The following KLK15 variants were observed in gnomAD, a reference collection of about 807,000 sequenced individuals.
KLK15 encodes the protein kallikrein related peptidase 15, also known as kallikrein-15.
A neutral mutation model predicts 21.1 loss-of-function variants in KLK15; 19 were observed. The ratio of observed to expected loss-of-function variants is 0.90; its 90% CI spans 0.63 to 1.32. The LOEUF (loss-of-function observed/expected upper bound fraction) is 1.32, where lower values mean the gene tolerates loss of function less well. Among genes scored for constraint, KLK15 ranks in the 40% most tolerant of loss-of-function variants. The pLI, the probability that KLK15 is intolerant of heterozygous loss-of-function variation, is 0.00. For missense variants in KLK15, 345 were observed against 348.6 expected (o/e 0.99, Z 0.08); for synonymous variants, 141 against 141.5 (o/e 1.00, Z 0.03).
At chr19:50,827,552 C>A in intron 2 of KLK15, 110 bp downstream of exon 3, 1 of 1,162,304 alleles carries the variant, frequency 8.6e-7, no homozygotes. Flanking sequence ...CCGGCCTCCT[C>A]GTCTTTCAGA....
chr19:50,832,569 C>T (rs1020544680), upstream of KLK15, among the ~76,000 whole-genome samples: 9 of 149,322 alleles, frequency 6.0e-5, no homozygotes, highest in African/African-American at 1.2e-4. Context: ...GTGATCCACC[C>T]GCCTCAGCCT....
At position 50,828,516 on chromosome 19, in the gene KLK15, C is replaced by T. The variant is rs2089924356; in HGVS notation, c.44-701G>A. ...CCCAGCCTTGGCCCCAGAGTCTGGACATGTCAGCCAAATTCAGTGTGCAGT... is the reference window on the plus strand; with the variant it reads ...CCCAGCCTTGGCCCCAGAGTCTGGATATGTCAGCCAAATTCAGTGTGCAGT... On this transcript the variant is annotated intron_variant, in intron 1 of 4. Coordinates refer to ENST00000598239, the Ensembl canonical transcript of KLK15. 1.3e-5 allele frequency among the ~76,000 whole-genome samples: 2 copies of T among 151,686 alleles called. 1 individual carries two copies. The highest frequency in any genetic ancestry group is 1.3e-4 in the Admixed American group (2 of 15,144).
upstream of KLK15, among the ~76,000 whole-genome samples, chr19:50,832,522 C>T (rs905980664): frequency 7.5e-5 from 8 of 106,434 alleles, no homozygotes; most frequent in Admixed American, 3.1e-4. Context: ...GGAGTTTCAC[C>T]ATGTTGGCCA....
chr19:50,829,637 A>AAAT lies in KLK15; in HGVS notation c.43+1812_43+1813insATT, dbSNP rs1568485711. 1.1e-3 allele frequency among the ~76,000 whole-genome samples: 174 copies of AAAT among 151,788 alleles called. 4 individuals carry two copies. The highest frequency in any genetic ancestry group is 4.0e-3 in the African/African-American group (165 of 41,480). ...CATCGTGAAATCCCGTCTCTACTAAAAAATAAATAAATAAATAAATAAAAA... is the reference window on the plus strand; with the variant it reads ...CATCGTGAAATCCCGTCTCTACTAAAAATAAATAAATAAATAAATAAATAAAAA... On this transcript the variant is annotated intron_variant, in intron 1 of 4. Transcript: ENST00000598239.
upstream of KLK15, among the ~76,000 whole-genome samples, chr19:50,832,166 G>A (rs1009657571): frequency 6.6e-6 from 1 of 151,222 alleles, no homozygotes; most frequent in Non-Finnish European, 1.5e-5. Context: ...CTCCAGTCCA[G>A]TCCCCTCCAC....
chr19:50,825,981 G>T (rs781524865), intron 4 of KLK15, 33 bp from the exon 6 acceptor site: 2 of 1,594,210 alleles, frequency 1.3e-6, no homozygotes, highest in Non-Finnish European at 1.7e-6. Context: ...CAGGTTGAGT[G>T]AAACCTCCTG....
chr19:50,828,233 A>G lies in KLK15; in HGVS notation c.44-418T>C, dbSNP rs1441719660. On this transcript the variant is annotated intron_variant, in intron 1 of 4. Coordinates refer to ENST00000598239, the Ensembl canonical transcript of KLK15. ...AGTGCTGGGATTACAGGTGTGAGCC[A>G]CCATGCTCCGCCTGCCCTGTTGTTT... Among the ~76,000 whole-genome samples the G allele has an allele frequency of 2.6e-5, 4 of 151,464 alleles. No homozygotes were observed. The Admixed American group carries it at 2.6e-4, about 10-fold the overall frequency.
chr19:50,829,097 G>A (rs1478194969), intron 1 of KLK15, among the ~76,000 whole-genome samples: 2 of 150,568 alleles, frequency 1.3e-5, no homozygotes, highest in African/African-American at 2.4e-5. Flanking sequence ...CACAGAATTG[G>A]ATATTGTTCA....
chr19:50,829,496 A>G (rs1162436603), intron 1 of KLK15, among the ~76,000 whole-genome samples: 1 of 151,766 alleles, frequency 6.6e-6, no homozygotes, highest in Non-Finnish European at 1.5e-5. Context: ...ACCTATAATA[A>G]ATAGTCAAGG....
chr19:50,830,630 G>C (rs1364606472), intron 1 of KLK15: 1 of 144,568 alleles, frequency 6.9e-6, no homozygotes, highest in East Asian at 1.9e-4. Flanking sequence ...GGGCCCCCAG[G>C]AGTGAGGGTC....
intron 1 of KLK15, among the ~76,000 whole-genome samples, chr19:50,830,343 C>T: frequency 6.6e-6 from 1 of 151,814 alleles, no homozygotes; most frequent in African/African-American, 2.4e-5. Context: ...GACCAAATGC[C>T]CACACTCTCC....
chr19:50,828,096 C>T (rs2089917576), intron 1 of KLK15, among the ~76,000 whole-genome samples: 1 of 151,364 alleles, frequency 6.6e-6, no homozygotes, highest in Middle Eastern at 3.2e-3. Flanking sequence ...GAGGTGCCCG[C>T]CACCACACCT....
chr19:50,831,320 G>A, intron 1 of KLK15, 130 bp downstream of exon 2: 2 of 635,414 alleles, frequency 3.1e-6, no homozygotes, highest in East Asian at 3.5e-5. Flanking sequence ...ATTGGCACAG[G>A]TGGAGGGTGA....
intron 4 of KLK15, 110 bp from the exon 6 acceptor site, chr19:50,826,058 A>G (rs2089874072): frequency 8.9e-7 from 1 of 1,124,980 alleles, no homozygotes; most frequent in African/African-American, 1.6e-5. Flanking sequence ...CATCCCAGGG[A>G]ACCCCAACCC....
At chr19:50,827,236 A>T (rs2089901220) in intron 2 of KLK15, 75 bp from the exon 4 acceptor site, 1 of 1,427,228 alleles carries the variant, frequency 7.0e-7, no homozygotes, top group African/African-American at 1.4e-5. Flanking sequence ...CAGAAAGATC[A>T]AAGAGTGGGC....
upstream of KLK15, chr19:50,831,559 ACCC>A: frequency 1.5e-6 from 2 of 1,319,062 alleles, no homozygotes; most frequent in Non-Finnish European, 2.0e-6. Context: ...GTGAGGCAGG[ACCC>A]TTCTGCCTCC....
Position 50,827,806 on chromosome 19 carries a change from TC to T in KLK15, c.52del (p.Asp18MetfsTer51). ...GTCACCTTCCAGCAACTTGTCACCA[TC>T]CTGGGCTGCTAAGAGAAGGGGTAGA... On this transcript the variant is annotated frameshift_variant, in exon 2 of 5. Coordinates refer to ENST00000598239, the Ensembl canonical transcript of KLK15. LOFTEE classifies it high-confidence loss of function. 3 of 1,611,354 alleles carry T rather than the reference TC, an allele frequency of 1.9e-6. 1 individual carries two copies. Among genetic ancestry groups the T allele is most frequent in the Non-Finnish European group, 1.7e-6 (2 of 1,177,788 alleles).
chr19:50,827,545 G>T, intron 2 of KLK15, 117 bp downstream of exon 3: 3 of 1,059,800 alleles, frequency 2.8e-6, no homozygotes, highest in Non-Finnish European at 4.1e-6. Context: ...TTGACATCCG[G>T]CCTCCTCGTC....
exon 4 of KLK15, chr19:50,826,735 A>G (rs768429884): frequency 1.2e-6 from 2 of 1,613,446 alleles, no homozygotes; most frequent in Non-Finnish European, 1.7e-6. Flanking sequence ...TGTTGGCACA[A>G]TGCAACGTAT....
Sources: gnomAD v4.1 joint callset for allele counts (sites outside exome capture counted in the v4.1 genomes callset) on GRCh38, gnomAD v4.1.1 for gene constraint, MANE v1.5 for transcripts, NCBI Gene and HGNC (gene_info 2026-07-23, HGNC 2026-07-21) for gene names.